Variants in ACOXL observed in about 807,000 individuals in gnomAD.
The protein encoded by ACOXL is acyl-CoA oxidase like.
Under a neutral mutation model 71.9 loss-of-function variants are expected in ACOXL, and 70 were observed. The ratio of observed to expected loss-of-function variants is 0.97; its 90% CI spans 0.80 to 1.19. The LOEUF (loss-of-function observed/expected upper bound fraction) is 1.19, where lower values mean the gene tolerates loss of function less well. Among genes scored for constraint, ACOXL ranks in the 50% most tolerant of loss-of-function variants. The probability of loss-of-function intolerance (pLI) is 0.00; values close to 1 mark genes in which losing one functional copy is unlikely to be tolerated. For missense variants in ACOXL, 703 were observed against 736.3 expected, an observed-to-expected ratio of 0.95 and a Z score of 0.52; for synonymous variants, 253 against 281.6, an observed-to-expected ratio of 0.90 and a Z score of 1.02.
intron 12 of ACOXL, among the ~76,000 whole-genome samples, chr2:110,963,107 A>G (rs2061767715): frequency 1.3e-5 from 2 of 152,178 alleles, no homozygotes; most frequent in Admixed American, 6.5e-5. Flanking sequence ...AAAAAAAAAT[A>G]CTGGAGTGAG....
In ACOXL at chr2:110,797,593, G is replaced by T. The variant is rs375553282; in HGVS notation, c.346-1017G>T. Among the ~76,000 whole-genome samples the T allele has an allele frequency of 3.9e-5, 6 of 152,264 alleles. No homozygotes were observed. The East Asian group carries it at 1.2e-3, about 29-fold the overall frequency. On this transcript the variant is annotated intron_variant, in intron 5 of 17. Coordinates refer to ENST00000439055, the MANE Select transcript of ACOXL (RefSeq NM_001142807.4). ...TACGGTTTTGGCCTTCAGTTCCCTG[G>T]CTTTCATTTAAACCAAGATCCATGT...
intron 9 of ACOXL, among the ~76,000 whole-genome samples, chr2:110,839,232 TC>T (rs1690841675): frequency 6.6e-6 from 1 of 151,966 alleles, no homozygotes; most frequent in Non-Finnish European, 1.5e-5. Context: ...TAAACTGTAC[TC>T]CAAAGCTTAT....
At chr2:110,763,971 C>T (rs555930246) in intron 1 of ACOXL, among the ~76,000 whole-genome samples, 4 of 152,306 alleles carry the variant, frequency 2.6e-5, no homozygotes, top group South Asian at 4.1e-4. Flanking sequence ...ATTAGGGCTA[C>T]ACACATTAAA....
intron 12 of ACOXL, among the ~76,000 whole-genome samples, chr2:110,962,358 G>T (rs867353412): frequency 6.6e-6 from 1 of 152,356 alleles, no homozygotes; most frequent in African/African-American, 2.4e-5. Context: ...ATTATGGGGT[G>T]GGGGGAAGTG....
At chr2:110,769,997 G>A (rs1391066639) in intron 2 of ACOXL, among the ~76,000 whole-genome samples, 1 of 151,920 alleles carries the variant, frequency 6.6e-6, no homozygotes, top group Non-Finnish European at 1.5e-5. Context: ...AGCTATGATC[G>A]CACCACCGCA....
At chr2:111,075,607 A>C (rs929003539) in intron 16 of ACOXL, among the ~76,000 whole-genome samples, 3 of 151,186 alleles carry the variant, frequency 2.0e-5, no homozygotes, top group African/African-American at 7.3e-5. Flanking sequence ...ATTTTCTTCC[A>C]GTTGCTTTGG....
At chr2:110,987,814 G>C (rs575518152) in intron 13 of ACOXL, among the ~76,000 whole-genome samples, 2 of 152,192 alleles carry the variant, frequency 1.3e-5, no homozygotes, top group Admixed American at 1.3e-4. Context: ...ATGCCACACT[G>C]TACTTACCCA....
At chr2:111,004,147 A>G (rs2063767528) in intron 14 of ACOXL, among the ~76,000 whole-genome samples, 1 of 152,220 alleles carries the variant, frequency 6.6e-6, no homozygotes, top group African/African-American at 2.4e-5. Flanking sequence ...GGGTGATTTC[A>G]TCTAGAATTC....
intron 17 of ACOXL, among the ~76,000 whole-genome samples, chr2:111,095,917 CA>C (rs1395743933): frequency 6.6e-6 from 1 of 152,208 alleles, no homozygotes; most frequent in Non-Finnish European, 1.5e-5. Flanking sequence ...GTAGAACTGG[CA>C]CAAATCCTTC....
At chr2:110,770,005 G>A (rs1324659024) in intron 2 of ACOXL, among the ~76,000 whole-genome samples, 2 of 152,020 alleles carry the variant, frequency 1.3e-5, no homozygotes, top group Non-Finnish European at 2.9e-5. Flanking sequence ...TCGCACCACC[G>A]CACTCCAGCC....
chr2:110,846,580 A>G (rs188000884), intron 10 of ACOXL, among the ~76,000 whole-genome samples: 1 of 150,852 alleles, frequency 6.6e-6, no homozygotes, highest in East Asian at 2.0e-4. Context: ...CCTTTATTCA[A>G]ATGAACAGCG....
intron 10 of ACOXL, among the ~76,000 whole-genome samples, chr2:110,880,615 A>T (rs1273835876): frequency 6.6e-6 from 1 of 152,228 alleles, no homozygotes; most frequent in Non-Finnish European, 1.5e-5. Flanking sequence ...GTTGTTACAT[A>T]CAACTGTGGC....
chr2:110,999,547 T>A (rs1239563053), intron 14 of ACOXL, among the ~76,000 whole-genome samples: 1 of 152,180 alleles, frequency 6.6e-6, no homozygotes, highest in Non-Finnish European at 1.5e-5. Context: ...TCCCACCTCC[T>A]GATAGTCACA....
intron 1 of ACOXL, among the ~76,000 whole-genome samples, chr2:110,767,973 CACACACAA>C (rs1368208601): frequency 5.2e-5 from 7 of 133,576 alleles, no homozygotes; most frequent in East Asian, 4.6e-4. Flanking sequence ...CACACACACA[CACACACAA>C]ATTAGCTGGG....
chr2:110,921,380 A>G (rs1300601607), intron 11 of ACOXL, among the ~76,000 whole-genome samples: 1 of 118,398 alleles, frequency 8.4e-6, no homozygotes, highest in East Asian at 2.5e-4. Context: ...CTGTGTCTCT[A>G]TATATCCACC....
intron 10 of ACOXL, among the ~76,000 whole-genome samples, chr2:110,860,691 C>T (rs1693837316): frequency 6.6e-6 from 1 of 152,124 alleles, no homozygotes; most frequent in Admixed American, 6.5e-5. Context: ...CCTTTCTGGC[C>T]AGAACTCTAT....
chr2:111,019,201 CTATT>C (rs952711381), intron 14 of ACOXL, among the ~76,000 whole-genome samples: 1 of 152,218 alleles, frequency 6.6e-6, no homozygotes, highest in Non-Finnish European at 1.5e-5. Context: ...CCTGTAAAAT[CTATT>C]TAAGGCCTCC....
intron 15 of ACOXL, among the ~76,000 whole-genome samples, chr2:111,042,042 C>G (rs1406583642): frequency 6.6e-6 from 1 of 152,188 alleles, no homozygotes; most frequent in Non-Finnish European, 1.5e-5. Context: ...CTTCAGGCCC[C>G]CCAGCCCCTT....
At chr2:110,785,502 G>A (rs376571941) in intron 3 of ACOXL, among the ~76,000 whole-genome samples, 149 of 151,726 alleles carry the variant, frequency 9.8e-4, no homozygotes, top group African/African-American at 2.8e-3. Context: ...GGTCCTACCC[G>A]GAAGTTTCAT....
Sources: allele counts gnomAD v4.1 joint callset (sites outside exome capture counted in the v4.1 genomes callset), GRCh38; gene constraint gnomAD v4.1.1; transcripts MANE v1.5; gene names NCBI Gene and HGNC (gene_info 2026-07-23, HGNC 2026-07-21).